The following LDLRAD4 variants were observed in gnomAD, a reference collection of about 807,000 sequenced individuals.
LDLRAD4 encodes the protein low-density lipoprotein receptor class A domain-containing protein 4.
LDLRAD4 carries 5 observed loss-of-function variants against 17.0 expected under a neutral mutation model. That is an observed-to-expected ratio of 0.29 (90% confidence interval 0.15 to 0.62). The LOEUF (loss-of-function observed/expected upper bound fraction) is 0.62, where lower values mean the gene tolerates loss of function less well. LDLRAD4 is among the 20% of genes least tolerant of loss of function. The pLI, the probability that LDLRAD4 is intolerant of heterozygous loss-of-function variation, is 0.84. For missense variants in LDLRAD4, 340 were observed against 424.7 expected (o/e 0.80, Z 1.75); for synonymous variants, 168 against 171.8 (o/e 0.98, Z 0.17).
intron 1 of LDLRAD4, among the ~76,000 whole-genome samples, chr18:13,224,024 T>C (rs572492832): frequency 1.3e-5 from 2 of 152,326 alleles, no homozygotes; most frequent in South Asian, 4.1e-4. Flanking sequence ...ACTGGGACTC[T>C]ATCCAGCCAG....
At position 13,650,246 on chromosome 18, in the gene LDLRAD4, T is replaced by TTGCTGCTGCTGCTGCTGC. The variant is rs3842394; in HGVS notation, c.*4597_*4614dup. 2.0e-5 allele frequency: 8 copies of TTGCTGCTGCTGCTGCTGC among 402,278 alleles called. No homozygotes were observed. The Admixed American group carries it at 3.5e-4, about 18-fold the overall frequency. 24.9% of individuals were successfully genotyped at this position (402,278 alleles called of 1,614,324 possible). A position where few individuals can be genotyped will look rare whatever the true frequency, so the allele number is the denominator to read the frequency against. ...GTTACTGCCAGGGTCAGACAGTCAT[T>TTGCTGCTGCTGCTGCTGC]TGCTGCTGCTGCTGCTGCTGCTGCT... is the stretch of plus-strand genomic sequence containing the variant. On this transcript the variant is annotated 3_prime_UTR_variant, in exon 6 of 6. Coordinates refer to ENST00000359446, the Ensembl canonical transcript of LDLRAD4.
At chr18:13,249,297 C>A (rs1320341905) in intron 1 of LDLRAD4, among the ~76,000 whole-genome samples, 1 of 152,160 alleles carries the variant, frequency 6.6e-6, no homozygotes, top group Non-Finnish European at 1.5e-5. Flanking sequence ...TATGGGAGTT[C>A]TAGTTGTAGT....
chr18:13,251,556 A>G lies in LDLRAD4; in HGVS notation c.-466-26549A>G, dbSNP rs548064548. On this transcript the variant is annotated intron_variant, in intron 1 of 5. Coordinates refer to the LDLRAD4 transcript ENST00000399848. ...GATACAAAATCACCATACAAAAATC[A>G]ATATTGTTTCTATAGACAAACAACT... Among the ~76,000 whole-genome samples, 65 of 152,358 alleles carry G rather than the reference A, an allele frequency of 4.3e-4. 1 individual carries two copies. Among genetic ancestry groups the G allele is most frequent in the Non-Finnish European group, 1.0e-4 (7 of 68,034 alleles).
intron 3 of LDLRAD4, chr18:13,486,599 TG>T (rs2093228300): frequency 1.3e-5 from 2 of 152,218 alleles, no homozygotes; most frequent in African/African-American, 4.8e-5. Context: ...TTGTAAGAAG[TG>T]CGCTTGAGGA....
chr18:13,452,019 G>A (rs984130501), intron 3 of LDLRAD4, among the ~76,000 whole-genome samples: 1 of 152,244 alleles, frequency 6.6e-6, no homozygotes, highest in Non-Finnish European at 1.5e-5. Flanking sequence ...GGCAGTGTCA[G>A]GGTGGCAGGA....
In LDLRAD4 at chr18:13,534,546, T is replaced by C. The variant is rs960052456; in HGVS notation, c.182-86571T>C. The stretch of plus-strand genomic sequence containing the variant: ...ATCTTTCTTGAAGAGACCCTGTTGC[T>C]AAAAAGAAAAAAAAAAAGAAAGTCA... On this transcript the variant is annotated intron_variant, in intron 3 of 5. Coordinates refer to ENST00000359446, the Ensembl canonical transcript of LDLRAD4. Among the ~76,000 whole-genome samples, 4 of 150,460 alleles carry C rather than the reference T, an allele frequency of 2.7e-5. No homozygotes were observed. The East Asian group carries it at 7.8e-4, about 29-fold the overall frequency.
chr18:13,472,791 CCTT>C (rs2092814882), intron 3 of LDLRAD4: 1 of 152,214 alleles, frequency 6.6e-6, no homozygotes, highest in African/African-American at 2.4e-5. Context: ...CAAACATACT[CCTT>C]GTTTGTTTTC....
At chr18:13,302,187 C>G (rs535080624) in intron 1 of LDLRAD4, among the ~76,000 whole-genome samples, 1 of 152,204 alleles carries the variant, frequency 6.6e-6, no homozygotes, top group African/African-American at 2.4e-5. Flanking sequence ...TCACTGCTGT[C>G]GCCGGCTGTT....
At chr18:13,318,162 G>C (rs1051826819) in intron 1 of LDLRAD4, among the ~76,000 whole-genome samples, 1 of 152,178 alleles carries the variant, frequency 6.6e-6, no homozygotes, top group African/African-American at 2.4e-5. Flanking sequence ...AGGCAGGACC[G>C]CTCACCTGGA....
chr18:13,406,818 GC>G (rs2087801548), intron 2 of LDLRAD4, among the ~76,000 whole-genome samples: 1 of 152,178 alleles, frequency 6.6e-6, no homozygotes, highest in Admixed American at 6.5e-5. Context: ...ACGGGAGGAA[GC>G]CTGTCCTCCA....
chr18:13,560,569 A>G (rs1284439), intron 3 of LDLRAD4, among the ~76,000 whole-genome samples: 123,383 of 152,120 alleles, frequency 0.81, 50,306 homozygotes, highest in Middle Eastern at 0.89. Flanking sequence ...AAAGACCTTC[A>G]TAACGCCAAA....
chr18:13,366,876 G>A (rs1159096824), intron 1 of LDLRAD4, among the ~76,000 whole-genome samples: 1 of 152,182 alleles, frequency 6.6e-6, no homozygotes, highest in South Asian at 2.1e-4. Context: ...ACACATTGGC[G>A]TGTTTCTTGT....
intron 1 of LDLRAD4, among the ~76,000 whole-genome samples, chr18:13,221,761 A>C (rs936905466): frequency 2.0e-5 from 3 of 152,218 alleles, no homozygotes; most frequent in African/African-American, 7.2e-5. Flanking sequence ...TTCTCACTAA[A>C]AATGGTACTT....
At chr18:13,344,432 A>G (rs1220009924) in intron 1 of LDLRAD4, among the ~76,000 whole-genome samples, 1 of 152,036 alleles carries the variant, frequency 6.6e-6, no homozygotes, top group Non-Finnish European at 1.5e-5. Context: ...GTTCTGTTCC[A>G]TTGGTCTATA....
intron 2 of LDLRAD4, among the ~76,000 whole-genome samples, chr18:13,431,139 A>G (rs2090308270): frequency 5.3e-5 from 8 of 152,242 alleles, no homozygotes; most frequent in Admixed American, 5.2e-4. Context: ...TTATAAAATC[A>G]TATATAAAAT....
intron 3 of LDLRAD4, among the ~76,000 whole-genome samples, chr18:13,566,168 C>A (rs1239642711): frequency 6.6e-6 from 1 of 152,082 alleles, no homozygotes; most frequent in African/African-American, 2.4e-5. Flanking sequence ...ACAAGACTAA[C>A]GGGCAGCCAA....
At chr18:13,643,302 T>G in intron 4 of LDLRAD4, 57 bp from the exon 6 acceptor site, 2 of 1,128,700 alleles carry the variant, frequency 1.8e-6, no homozygotes, top group Non-Finnish European at 2.5e-6. Context: ...GCGGCGGGGC[T>G]AATGATTTTC....
At chr18:13,483,315 A>G (rs1258887673) in intron 3 of LDLRAD4, among the ~76,000 whole-genome samples, 2 of 152,126 alleles carry the variant, frequency 1.3e-5, no homozygotes. Context: ...TCTCAGCTTT[A>G]ACTGGTGTGC....
At chr18:13,574,867 GA>G (rs2094746262) in intron 3 of LDLRAD4, among the ~76,000 whole-genome samples, 1 of 152,190 alleles carries the variant, frequency 6.6e-6, no homozygotes, top group African/African-American at 2.4e-5. Context: ...TTTCTGATGG[GA>G]ATATCTATCT....
Sources: gnomAD v4.1 joint callset for allele counts (sites outside exome capture counted in the v4.1 genomes callset) on GRCh38, gnomAD v4.1.1 for gene constraint, MANE v1.5 for transcripts, NCBI Gene and HGNC (gene_info 2026-07-23, HGNC 2026-07-21) for gene names.